The following ARHGAP26 variants were observed in gnomAD, a reference collection of about 807,000 sequenced individuals.
ARHGAP26 encodes rho GTPase-activating protein 26.
Under a neutral mutation model 104.8 loss-of-function variants are expected in ARHGAP26, and 38 were observed. The ratio of observed to expected loss-of-function variants is 0.36; its 90% CI spans 0.28 to 0.48. The LOEUF (loss-of-function observed/expected upper bound fraction) is 0.48, where lower values mean the gene tolerates loss of function less well. Among genes scored for constraint, ARHGAP26 ranks in the 20% least tolerant of loss-of-function variants. ARHGAP26 has a pLI of 0.99. For synonymous variants in ARHGAP26, 341 were observed against 340.0 expected (o/e 1.00, Z -0.03); for missense variants, 704 against 947.9 (o/e 0.74, Z 3.38).
chr5:143,105,927 C>T (rs934554435), intron 17 of ARHGAP26, among the ~76,000 whole-genome samples: 2 of 151,210 alleles, frequency 1.3e-5, no homozygotes, highest in African/African-American at 4.9e-5. Flanking sequence ...TTGGTGAGTA[C>T]AAGTATGAGT....
intron 6 of ARHGAP26, among the ~76,000 whole-genome samples, chr5:142,895,388 G>A (rs978163694): frequency 6.6e-6 from 1 of 151,938 alleles, no homozygotes; most frequent in Non-Finnish European, 1.5e-5. Flanking sequence ...ACGCCACCAC[G>A]CCTGGCTAAT....
At chr5:143,027,307 T>A (rs901031001) in intron 12 of ARHGAP26, among the ~76,000 whole-genome samples, 4 of 151,456 alleles carry the variant, frequency 2.6e-5, no homozygotes, top group African/African-American at 9.7e-5. Flanking sequence ...AAGTAGCTGG[T>A]ATTACAGGCA....
chr5:142,886,180 A>C (rs27546), intron 5 of ARHGAP26, among the ~76,000 whole-genome samples: 1 of 151,780 alleles, frequency 6.6e-6, no homozygotes, highest in Non-Finnish European at 1.5e-5. Flanking sequence ...AGTTTGCTTG[A>C]CCTCTGTCAT....
intron 1 of ARHGAP26, among the ~76,000 whole-genome samples, chr5:142,794,066 C>T (rs1250590670): frequency 2.0e-5 from 3 of 152,232 alleles, no homozygotes; most frequent in South Asian, 2.1e-4. Context: ...GCCAGACTCT[C>T]GTGACTCCAA....
At chr5:143,134,175 G>C in intron 19 of ARHGAP26, 70 bp downstream of exon 19, 2 of 1,472,224 alleles carry the variant, frequency 1.4e-6, no homozygotes, top group South Asian at 1.5e-5. Flanking sequence ...GGCTCAGGGT[G>C]GACACTTCCA....
At chr5:142,916,451 G>A (rs1762499793) in intron 10 of ARHGAP26, among the ~76,000 whole-genome samples, 1 of 152,094 alleles carries the variant, frequency 6.6e-6, no homozygotes, top group African/African-American at 2.4e-5. Flanking sequence ...CACACAGTTC[G>A]ACTTTCTGGG....
chr5:143,035,271 A>G (rs1029655944), intron 12 of ARHGAP26, among the ~76,000 whole-genome samples: 5 of 152,212 alleles, frequency 3.3e-5, no homozygotes, highest in Non-Finnish European at 5.9e-5. Context: ...TCACAATTGC[A>G]GAAACGTGGA....
intron 20 of ARHGAP26, among the ~76,000 whole-genome samples, chr5:143,157,426 C>T (rs1270967490): frequency 1.3e-5 from 2 of 152,196 alleles, no homozygotes; most frequent in African/African-American, 4.8e-5. Context: ...GATCCACCTG[C>T]CTCAGCCTCC....
chr5:142,818,092 T>A (rs1018921399), intron 1 of ARHGAP26, among the ~76,000 whole-genome samples: 1 of 152,168 alleles, frequency 6.6e-6, no homozygotes, highest in Non-Finnish European at 1.5e-5. Flanking sequence ...GTTCCAGTAT[T>A]TGTTAGGAGT....
chr5:142,771,033 G>A (rs1755083687), intron 1 of ARHGAP26, 118 bp downstream of exon 1: 1 of 1,428,350 alleles, frequency 7.0e-7, no homozygotes, highest in African/African-American at 1.5e-5. Flanking sequence ...ACTGGGGGAC[G>A]GGTGTCGACG....
chr5:143,208,014 C>T (rs7734256), intron 21 of ARHGAP26, among the ~76,000 whole-genome samples: 4,778 of 152,280 alleles, frequency 0.031, 253 homozygotes, highest in African/African-American at 0.11. Context: ...CATCCATGCT[C>T]CCAGCCTGCT....
chr5:142,889,617 C>T (rs1050333099), intron 5 of ARHGAP26, among the ~76,000 whole-genome samples: 4 of 151,740 alleles, frequency 2.6e-5, no homozygotes, highest in African/African-American at 7.3e-5. Flanking sequence ...GACTCTGTCT[C>T]AAGAAAGGAA....
intron 1 of ARHGAP26, among the ~76,000 whole-genome samples, chr5:142,786,654 AT>A (rs70991779): frequency 0.13 from 13,174 of 103,506 alleles, 507 homozygotes; most frequent in East Asian, 0.18. Flanking sequence ...GAGTTCTAGA[AT>A]TTTTTTTTTT....
intron 12 of ARHGAP26, among the ~76,000 whole-genome samples, chr5:143,025,833 C>G (rs918169757): frequency 6.6e-6 from 1 of 152,198 alleles, no homozygotes; most frequent in Non-Finnish European, 1.5e-5. Context: ...TTAGAACCTC[C>G]CCTGACTGTG....
intron 11 of ARHGAP26, among the ~76,000 whole-genome samples, chr5:142,972,653 C>T (rs1333262312): frequency 6.6e-6 from 1 of 152,050 alleles, no homozygotes; most frequent in African/African-American, 2.4e-5. Context: ...CCATTCTCTA[C>T]CCCCCAAGAA....
intron 1 of ARHGAP26, among the ~76,000 whole-genome samples, chr5:142,851,190 G>A (rs919767375): frequency 1.3e-5 from 2 of 151,276 alleles, no homozygotes; most frequent in African/African-American, 4.9e-5. Context: ...TCTGCCTCAC[G>A]AGTTAAAGCG....
chr5:142,899,449 A>C (rs2152445803), intron 6 of ARHGAP26, among the ~76,000 whole-genome samples: 1 of 152,340 alleles, frequency 6.6e-6, no homozygotes, highest in South Asian at 2.1e-4. Context: ...TAGGATAACA[A>C]GGATAGAGAA....
At chr5:142,999,120 T>G (rs1454977032) in intron 11 of ARHGAP26, among the ~76,000 whole-genome samples, 2 of 152,160 alleles carry the variant, frequency 1.3e-5, no homozygotes, top group Admixed American at 6.5e-5. Context: ...AGGCCCCCCT[T>G]TTGATGCCTT....
intron 11 of ARHGAP26, among the ~76,000 whole-genome samples, chr5:142,986,642 A>G (rs929830296): frequency 2.0e-5 from 3 of 152,192 alleles, no homozygotes; most frequent in Admixed American, 1.3e-4. Flanking sequence ...ATTTAGGTCC[A>G]ACATTTAAGT....
Sources: gnomAD v4.1 joint callset for allele counts (sites outside exome capture counted in the v4.1 genomes callset) on GRCh38, gnomAD v4.1.1 for gene constraint, MANE v1.5 for transcripts, NCBI Gene and HGNC (gene_info 2026-07-23, HGNC 2026-07-21) for gene names.